Variants in SH2B2 observed in about 807,000 individuals in gnomAD.
SH2B2 encodes SH2B adaptor protein 2.
A neutral mutation model predicts 35.7 loss-of-function variants in SH2B2; 37 were observed. That is an observed-to-expected ratio of 1.04 (90% CI 0.80 to 1.36). SH2B2 has a LOEUF of 1.36. SH2B2 is among the 40% of genes most tolerant of loss of function. SH2B2 has a pLI of 0.00. For synonymous variants in SH2B2, 383 were observed against 376.4 expected, an observed-to-expected ratio of 1.02 and a Z score of -0.20; for missense variants, 852 against 817.7, an observed-to-expected ratio of 1.04 and a Z score of -0.51.
chr7:102,321,483 C>T lies in SH2B2; in HGVS notation c.1752C>T (p.Arg584=), dbSNP rs1554558617. Residue 584 remains arginine, a synonymous_variant, in exon 9 of 9, where the codon CGC becomes CGT. Transcript: ENST00000444095. ...CCGCGTCGGGGCCCGCCCCCCCGCG[C>T]CCCGTCGAGGGCCAGCTCAGCGCGC... is the stretch of plus-strand genomic sequence containing the variant. The part of the protein sequence containing the change: ...SSAASGPAPP[R]PVEGQLSARS... 1.7e-6 allele frequency: 2 copies of T among 1,181,284 alleles called. No individual in the cohort carries two copies. Among genetic ancestry groups the T allele is most frequent in the Non-Finnish European group, 2.1e-6 (2 of 953,690 alleles). The allele number at this position is 1,181,284 out of a possible 1,614,324, so 73.2% of individuals were successfully genotyped here. A position where few individuals can be genotyped will look rare whatever the true frequency, so the allele number is the denominator to read the frequency against.
intron 1 of SH2B2, among the ~76,000 whole-genome samples, chr7:102,292,196 T>C (rs1425120914): frequency 5.9e-5 from 9 of 152,074 alleles, no homozygotes; most frequent in African/African-American, 1.9e-4. Context: ...GAGACCAGCC[T>C]GGGCAACATA....
intron 1 of SH2B2, among the ~76,000 whole-genome samples, chr7:102,295,052 C>T (rs1792848878): frequency 6.6e-6 from 1 of 152,200 alleles, no homozygotes; most frequent in South Asian, 2.1e-4. Flanking sequence ...GTGAGGGCCA[C>T]CTGAGACCCA....
chr7:102,313,005 T>C (rs899936435), intron 4 of SH2B2, among the ~76,000 whole-genome samples: 2 of 151,416 alleles, frequency 1.3e-5, no homozygotes, highest in Non-Finnish European at 2.9e-5. Flanking sequence ...GGTACATGCC[T>C]GTAATATCAG....
Position 102,301,587 on chromosome 7 carries a change from C to T in SH2B2, c.729+308C>T, listed in dbSNP as rs1302382105. ...GTGTGTGTGTGTGTGTGTGTGCGCG[C>T]GCGTGTGTGTGTGTCCCTCTGTCAC... On this transcript the variant is annotated intron_variant, in intron 2 of 8. Coordinates refer to ENST00000444095, the MANE Select transcript of SH2B2 (RefSeq NM_001359228.2). 8.0e-5 allele frequency among the ~76,000 whole-genome samples: 12 copies of T among 150,380 alleles called. 1 individual carries two copies. The highest frequency in any genetic ancestry group is 1.9e-4 in the East Asian group (1 of 5,146).
At chr7:102,306,010 A>C (rs1348337097) in intron 2 of SH2B2, among the ~76,000 whole-genome samples, 3 of 145,162 alleles carry the variant, frequency 2.1e-5, no homozygotes, top group Non-Finnish European at 4.5e-5. Flanking sequence ...CGATCCTTCC[A>C]CCTTAGCCTC....
At chr7:102,296,416 C>T (rs1554552514) in intron 1 of SH2B2, among the ~76,000 whole-genome samples, 2 of 152,182 alleles carry the variant, frequency 1.3e-5, no homozygotes, top group African/African-American at 4.8e-5. Context: ...GAAGGATGGT[C>T]GCTTGTCCCC....
At chr7:102,298,727 C>T (rs539156066) in intron 1 of SH2B2, among the ~76,000 whole-genome samples, 11 of 152,098 alleles carry the variant, frequency 7.2e-5, no homozygotes, top group African/African-American at 2.7e-4. Context: ...CCACCTTGCC[C>T]AGCTAATTTT....
chr7:102,311,980 A>G (rs541009345), intron 4 of SH2B2, among the ~76,000 whole-genome samples: 1 of 151,752 alleles, frequency 6.6e-6, no homozygotes, highest in South Asian at 2.1e-4. Flanking sequence ...CAGGAGGCTG[A>G]GACAGGAGAA....
chr7:102,301,999 ACCACACACACCG>A (rs1456337941), intron 2 of SH2B2, among the ~76,000 whole-genome samples: 1 of 152,140 alleles, frequency 6.6e-6, no homozygotes, highest in Non-Finnish European at 1.5e-5. Context: ...AGTAGCTGGG[ACCACACACACCG>A]CCACTCCCAG....
chr7:102,286,387 C>T (rs1792446639), upstream of SH2B2, among the ~76,000 whole-genome samples: 1 of 152,216 alleles, frequency 6.6e-6, no homozygotes, highest in Admixed American at 6.5e-5. Flanking sequence ...GAGAGTCTGG[C>T]CACAGCGGCG....
At chr7:102,299,925 C>T (rs547887016) in intron 1 of SH2B2, among the ~76,000 whole-genome samples, 2 of 152,302 alleles carry the variant, frequency 1.3e-5, no homozygotes, top group South Asian at 4.1e-4. Flanking sequence ...CCCCAGTTGT[C>T]TTTCTCTTAT....
chr7:102,302,460 C>T (rs1022977641), intron 2 of SH2B2, among the ~76,000 whole-genome samples: 15 of 152,248 alleles, frequency 9.9e-5, no homozygotes, highest in Non-Finnish European at 2.1e-4. Context: ...ATGCACTGAC[C>T]CTTCCCCTCT....
At position 102,301,079 on chromosome 7, in the gene SH2B2, C is replaced by A. The variant is rs1793162414; in HGVS notation, c.529C>A (p.Arg177=). Reference sequence around the variant, plus strand: ...CGCCGAGCCCCGCGACAAGTGGACGCGGCGCCTGAGGCTGTCGCGGACGCT... The same window carrying A: ...CGCCGAGCCCCGCGACAAGTGGACGAGGCGCCTGAGGCTGTCGCGGACGCT... ...RTAEPRDKWT[R]RLRLSRTLAA... The change falls in exon 2 of 9, where the codon CGG becomes AGG. Residue 177 remains arginine, a synonymous_variant. Coordinates refer to ENST00000444095, the MANE Select transcript of SH2B2 (RefSeq NM_001359228.2). The A allele has an allele frequency of 7.1e-7, 1 of 1,400,602 alleles. No homozygotes were observed. Among genetic ancestry groups the A allele is most frequent in the South Asian group, 1.6e-5 (1 of 63,836 alleles). The allele number at this position is 1,400,602 out of a possible 1,614,324, so 86.8% of individuals were successfully genotyped here.
At chr7:102,299,921 T>G (rs1480466310) in intron 1 of SH2B2, among the ~76,000 whole-genome samples, 1 of 152,104 alleles carries the variant, frequency 6.6e-6, no homozygotes, top group Non-Finnish European at 1.5e-5. Context: ...GCCTCCCCAG[T>G]TGTCTTTCTC....
chr7:102,292,718 TC>T (rs1792721386), intron 1 of SH2B2, among the ~76,000 whole-genome samples: 2 of 152,048 alleles, frequency 1.3e-5, no homozygotes, highest in African/African-American at 4.8e-5. Flanking sequence ...AGAAAAGGCC[TC>T]AGTTTCCCCA....
chr7:102,315,430 G>A (rs1348032399), intron 6 of SH2B2, among the ~76,000 whole-genome samples: 6 of 152,078 alleles, frequency 3.9e-5, no homozygotes, highest in Admixed American at 1.3e-4. Flanking sequence ...CCAAGTCCAA[G>A]CAATTCTCAC....
chr7:102,310,448 G>A, intron 4 of SH2B2, among the ~76,000 whole-genome samples: 1 of 152,186 alleles, frequency 6.6e-6, no homozygotes, highest in East Asian at 1.9e-4. Context: ...GTAGGTCAGG[G>A]ACAATGGGAG....
intron 1 of SH2B2, among the ~76,000 whole-genome samples, chr7:102,296,149 TG>T (rs1466700299): frequency 6.6e-6 from 1 of 152,172 alleles, no homozygotes; most frequent in Non-Finnish European, 1.5e-5. Flanking sequence ...GGCTGTCCCT[TG>T]GTTATTGACT....
upstream of SH2B2, among the ~76,000 whole-genome samples, chr7:102,286,095 G>C (rs1792434858): frequency 6.6e-6 from 1 of 152,256 alleles, no homozygotes; most frequent in South Asian, 2.1e-4. Flanking sequence ...TCTGGAGCCA[G>C]GCAGGGGTGA....
Sources: gnomAD v4.1 joint callset for allele counts (sites outside exome capture counted in the v4.1 genomes callset) on GRCh38, gnomAD v4.1.1 for gene constraint, MANE v1.5 for transcripts, NCBI Gene and HGNC (gene_info 2026-07-23, HGNC 2026-07-21) for gene names.